The following PEAK1 variants were observed in gnomAD, a reference collection of about 807,000 sequenced individuals.
The protein encoded by PEAK1 is inactive tyrosine-protein kinase PEAK1.
A neutral mutation model predicts 124.7 loss-of-function variants in PEAK1; 54 were observed. The ratio of observed to expected loss-of-function variants is 0.43; its 90% CI spans 0.35 to 0.54. The LOEUF (loss-of-function observed/expected upper bound fraction) is 0.54. Ranked by LOEUF, PEAK1 falls within the 20% of genes least tolerant of loss-of-function variation. PEAK1 has a pLI of 0.01. For missense variants in PEAK1, 2,046 were observed against 2,134.5 expected (o/e 0.96, Z 0.82); for synonymous variants, 719 against 760.0 (o/e 0.95, Z 0.89).
At chr15:77,199,530 T>G (rs2058263990) in intron 6 of PEAK1, among the ~76,000 whole-genome samples, 2 of 152,216 alleles carry the variant, frequency 1.3e-5, no homozygotes, top group South Asian at 2.1e-4. Flanking sequence ...ACAGAAAAAG[T>G]TGTGAAAGCC....
At chr15:77,411,744 A>G (rs1370209224) in intron 1 of PEAK1, among the ~76,000 whole-genome samples, 5 of 152,162 alleles carry the variant, frequency 3.3e-5, no homozygotes, top group African/African-American at 1.2e-4. Context: ...TAGCTAAAAC[A>G]GGCATGGGCC....
At chr15:77,404,130 T>C (rs2071604968) in intron 1 of PEAK1, 1 of 985,074 alleles carries the variant, frequency 1.0e-6, no homozygotes, top group Non-Finnish European at 1.2e-6. Flanking sequence ...AATTTAACAC[T>C]TGTGTGACAT....
intron 2 of PEAK1, chr15:77,331,085 G>A: frequency 2.9e-6 from 2 of 692,580 alleles, no homozygotes; most frequent in Non-Finnish European, 3.6e-6. Context: ...CATATACTAT[G>A]TAGTACATTG....
At chr15:77,175,760 C>A (rs1464173212) in intron 7 of PEAK1, among the ~76,000 whole-genome samples, 1 of 152,182 alleles carries the variant, frequency 6.6e-6, no homozygotes, top group Middle Eastern at 3.2e-3. Context: ...TGGGTATATA[C>A]CCAAAGGATT....
chr15:77,159,568 T>C (rs1423039938), intron 7 of PEAK1, among the ~76,000 whole-genome samples: 1 of 152,168 alleles, frequency 6.6e-6, no homozygotes. Flanking sequence ...TCTTTAAAGT[T>C]TGCTGGGCCC....
intron 2 of PEAK1, among the ~76,000 whole-genome samples, chr15:77,321,018 C>T (rs968204727): frequency 6.6e-6 from 1 of 152,170 alleles, no homozygotes; most frequent in African/African-American, 2.4e-5. Context: ...CATAATACTC[C>T]ATGGTGTATA....
Position 77,373,180 on chromosome 15 carries a change from T to C in PEAK1, c.-665-7955A>G, listed in dbSNP as rs568849486. Among the ~76,000 whole-genome samples the C allele has an allele frequency of 4.6e-5, 7 of 152,312 alleles. No homozygotes were observed. The South Asian group carries it at 1.2e-3, about 27-fold the overall frequency. ...ATCCTCTCCTGCTCCTAACTGTTGA[T>C]CTCTGAATCCACTATGCTCTCTTAT... On this transcript the variant is annotated intron_variant, in intron 1 of 9. Coordinates refer to ENST00000682557, the MANE Select transcript of PEAK1 (RefSeq NM_001385026.1).
In PEAK1 at chr15:77,108,729, C is replaced by T. The variant is rs907093859; in HGVS notation, c.*5427G>A. 7 of 152,154 alleles carry T rather than the reference C, an allele frequency of 4.6e-5. No homozygotes were observed. Among genetic ancestry groups the T allele is most frequent in the Non-Finnish European group, 7.4e-5 (5 of 68,022 alleles). 9.4% of individuals were successfully genotyped at this position (152,154 alleles called of 1,614,324 possible). On this transcript the variant is annotated 3_prime_UTR_variant, in exon 10 of 10. Coordinates refer to ENST00000682557, the MANE Select transcript of PEAK1 (RefSeq NM_001385026.1). ...ACAATATTCGTAGCAAAATATATGA[C>T]TCTGTACTTCTGCTAGGTTAAAAAA...
At chr15:77,226,053 ATATATATATATATATATATATATATAT>A (rs1265357194) in intron 6 of PEAK1, among the ~76,000 whole-genome samples, 1 of 84,926 alleles carries the variant, frequency 1.2e-5, no homozygotes, top group Non-Finnish European at 2.4e-5. Context: ...GGATATATAT[ATATATATATATATATATATATATATAT>A]ATATATATTA....
chr15:77,419,206 G>A, intron 1 of PEAK1: 1 of 985,354 alleles, frequency 1.0e-6, no homozygotes, highest in Non-Finnish European at 1.2e-6. Context: ...AGGCAGGCGG[G>A]GGAGGAGGGT....
intron 2 of PEAK1, among the ~76,000 whole-genome samples, chr15:77,353,847 G>C (rs1329050444): frequency 6.6e-6 from 1 of 152,190 alleles, no homozygotes; most frequent in African/African-American, 2.4e-5. Flanking sequence ...TGAGGACAAA[G>C]ATCAAACATA....
chr15:77,245,144 C>T (rs532189825), intron 6 of PEAK1, among the ~76,000 whole-genome samples: 4 of 152,092 alleles, frequency 2.6e-5, no homozygotes, highest in Non-Finnish European at 4.4e-5. Flanking sequence ...CCAAGGCCTA[C>T]GTCAAGGTAT....
In PEAK1 at chr15:77,199,164, C is replaced by A. The variant is rs188759027; in HGVS notation, c.-114-17124G>T. 1.2e-4 allele frequency among the ~76,000 whole-genome samples: 19 copies of A among 152,324 alleles called. 2 individuals carry two copies. In the East Asian group the frequency reaches 3.3e-3, roughly 26 times the overall value. Reference sequence around the variant, plus strand: ...GCCCCAGCTGCCACTCTTGTTTATACAGCAAGAAGGTCTGAATGAGAACCC... The same window carrying A: ...GCCCCAGCTGCCACTCTTGTTTATAAAGCAAGAAGGTCTGAATGAGAACCC... On this transcript the variant is annotated intron_variant, in intron 6 of 9. Coordinates refer to ENST00000682557, the MANE Select transcript of PEAK1 (RefSeq NM_001385026.1).
At chr15:77,146,256 A>T (rs2054168467) in intron 8 of PEAK1, among the ~76,000 whole-genome samples, 1 of 152,214 alleles carries the variant, frequency 6.6e-6, no homozygotes, top group South Asian at 2.1e-4. Context: ...CTACCTAGGC[A>T]TTATTACTGT....
At chr15:77,101,521 C>T (rs2050693624) in exon 7 of PEAK1, 1 of 152,136 alleles carries the variant, frequency 6.6e-6, no homozygotes, top group Admixed American at 6.6e-5. Flanking sequence ...AATACACTTG[C>T]TAGACTGTGT....
chr15:77,189,453 A>G (rs990538035), intron 6 of PEAK1, among the ~76,000 whole-genome samples: 3 of 152,148 alleles, frequency 2.0e-5, no homozygotes, highest in African/African-American at 7.2e-5. Flanking sequence ...CAGCAGCAGC[A>G]GCAGCAGCAC....
At chr15:77,316,019 G>A (rs189925615) in intron 2 of PEAK1, among the ~76,000 whole-genome samples, 5 of 152,146 alleles carry the variant, frequency 3.3e-5, no homozygotes, top group Non-Finnish European at 5.9e-5. Flanking sequence ...GATAGGGTAC[G>A]TGTGTATTGG....
chr15:77,371,133 T>C (rs2068612048), intron 1 of PEAK1: 19 of 961,928 alleles, frequency 2.0e-5, no homozygotes, highest in Non-Finnish European at 2.2e-5. Context: ...TTTCATATCA[T>C]TAATCAAACC....
intron 5 of PEAK1, among the ~76,000 whole-genome samples, chr15:77,253,247 G>GGT (rs1555457261): frequency 5.4e-5 from 8 of 148,466 alleles, no homozygotes; most frequent in South Asian, 2.2e-4. Flanking sequence ...GTATGCGTTG[G>GGT]GGGGGGGGTG....
Sources: gnomAD v4.1 joint callset for allele counts (sites outside exome capture counted in the v4.1 genomes callset) on GRCh38, gnomAD v4.1.1 for gene constraint, MANE v1.5 for transcripts, NCBI Gene and HGNC (gene_info 2026-07-23, HGNC 2026-07-21) for gene names.